SGCD: variants seen among roughly 807,000 people sequenced by gnomAD.
The protein encoded by SGCD is delta-sarcoglycan.
Under a neutral mutation model 36.6 loss-of-function variants are expected in SGCD, and 18 were observed. That is an observed-to-expected ratio of 0.49 (90% CI 0.34 to 0.73). The LOEUF (loss-of-function observed/expected upper bound fraction) is 0.73. SGCD is among the 30% of genes least tolerant of loss of function. SGCD has a pLI of 0.01. For synonymous variants in SGCD, 133 were observed against 130.6 expected (o/e 1.02, Z -0.12); for missense variants, 387 against 346.7 (o/e 1.12, Z -0.92).
chr5:156,608,364 T>G (rs1206616115), intron 6 of SGCD, among the ~76,000 whole-genome samples: 1 of 152,208 alleles, frequency 6.6e-6, no homozygotes, highest in East Asian at 1.9e-4. Flanking sequence ...TTGAGTGCGT[T>G]TCTTAATCCT....
intron 8 of SGCD, 107 bp from the exon 9 acceptor site, chr5:156,759,110 G>A: frequency 6.1e-6 from 5 of 826,102 alleles, no homozygotes; most frequent in South Asian, 1.5e-5. Context: ...CATAGTAGGT[G>A]CTCATTAGAT....
intron 3 of SGCD, among the ~76,000 whole-genome samples, chr5:156,386,037 T>C (rs11960521): frequency 0.035 from 5,258 of 152,320 alleles, 303 homozygotes; most frequent in African/African-American, 0.12. Flanking sequence ...CAGGTAATGA[T>C]GACTACAGTG....
At chr5:155,734,546 A>C in the SGCD span, among the ~76,000 whole-genome samples, 1 of 152,142 alleles carries the variant, frequency 6.6e-6, no homozygotes, top group African/African-American at 2.4e-5. Flanking sequence ...CAGAATCCAG[A>C]TCTCTCCTTT....
At chr5:155,788,460 A>G in the SGCD span, among the ~76,000 whole-genome samples, 1 of 152,156 alleles carries the variant, frequency 6.6e-6, no homozygotes, top group South Asian at 2.1e-4. Context: ...TTTGCACCAG[A>G]TTAAGATTGT....
chr5:156,757,145 A>AT (rs1334064231), intron 7 of SGCD, among the ~76,000 whole-genome samples: 4 of 150,288 alleles, frequency 2.7e-5, no homozygotes, highest in African/African-American at 4.9e-5. Context: ...TCCTAGACCC[A>AT]TTTTTTTAAC....
chr5:155,876,998 C>G (rs1348317821), intron 1 of SGCD, among the ~76,000 whole-genome samples: 1 of 152,080 alleles, frequency 6.6e-6, no homozygotes, highest in Non-Finnish European at 1.5e-5. Flanking sequence ...GGAATACATT[C>G]CCTATCTTCA....
intron 7 of SGCD, among the ~76,000 whole-genome samples, chr5:156,677,987 T>A (rs1753581336): frequency 6.6e-6 from 1 of 152,220 alleles, no homozygotes; most frequent in South Asian, 2.1e-4. Flanking sequence ...TATTGGGTTG[T>A]AAATGCTAAG....
intron 7 of SGCD, among the ~76,000 whole-genome samples, chr5:156,649,292 AG>A (rs1318563071): frequency 6.6e-6 from 1 of 152,128 alleles, no homozygotes. Context: ...CCATTGTGGA[AG>A]TCAGTGTGGC....
intron 7 of SGCD, among the ~76,000 whole-genome samples, chr5:156,703,844 A>C (rs1016484412): frequency 2.0e-5 from 3 of 152,158 alleles, no homozygotes; most frequent in Non-Finnish European, 4.4e-5. Context: ...GGAGCCCCAC[A>C]AACCATGGCT....
intron 3 of SGCD, among the ~76,000 whole-genome samples, chr5:156,435,010 T>C (rs951928355): frequency 1.3e-5 from 2 of 152,212 alleles, no homozygotes; most frequent in Non-Finnish European, 2.9e-5. Flanking sequence ...ATGTGGACTT[T>C]TTTCTTAAGA....
intron 3 of SGCD, among the ~76,000 whole-genome samples, chr5:156,460,373 A>G (rs1350907767): frequency 4.6e-5 from 7 of 152,228 alleles, no homozygotes; most frequent in African/African-American, 1.4e-4. Context: ...GGAAATCATT[A>G]TCATAATTGT....
chr5:155,744,931 T>C, the SGCD span, among the ~76,000 whole-genome samples: 2 of 152,182 alleles, frequency 1.3e-5, no homozygotes, highest in Non-Finnish European at 2.9e-5. Flanking sequence ...ATAGACAAAT[T>C]GTAGTGAAAT....
At chr5:156,069,716 G>C (rs1286058751) in intron 1 of SGCD, among the ~76,000 whole-genome samples, 2 of 149,890 alleles carry the variant, frequency 1.3e-5, no homozygotes, top group Non-Finnish European at 2.9e-5. Flanking sequence ...CCCTTGGGCA[G>C]TATGGCCATT....
At chr5:155,943,550 TTAAA>T (rs1289508014) in intron 1 of SGCD, among the ~76,000 whole-genome samples, 1 of 152,166 alleles carries the variant, frequency 6.6e-6, no homozygotes, top group Non-Finnish European at 1.5e-5. Flanking sequence ...ATTTTAAAAA[TTAAA>T]TAATTTGCAT....
intron 4 of SGCD, among the ~76,000 whole-genome samples, chr5:156,583,726 A>G (rs577942371): frequency 6.6e-6 from 1 of 152,356 alleles, no homozygotes; most frequent in South Asian, 2.1e-4. Flanking sequence ...ACAGAAACAA[A>G]GATAATATGA....
the SGCD span, among the ~76,000 whole-genome samples, chr5:155,805,098 G>A: frequency 3.3e-5 from 5 of 152,140 alleles, no homozygotes; most frequent in African/African-American, 1.2e-4. Flanking sequence ...AGTAGCTACT[G>A]TATTAGAAAA....
chr5:155,940,744 C>G (rs1757304080), intron 1 of SGCD, among the ~76,000 whole-genome samples: 1 of 152,056 alleles, frequency 6.6e-6, no homozygotes, highest in Non-Finnish European at 1.5e-5. Context: ...ATTCGGGAGG[C>G]TGAGGCAGGA....
At chr5:156,434,099 AC>A (rs1425327262) in intron 3 of SGCD, among the ~76,000 whole-genome samples, 1 of 152,238 alleles carries the variant, frequency 6.6e-6, no homozygotes, top group African/African-American at 2.4e-5. Flanking sequence ...AGCTGAGGAT[AC>A]CATCAGAGCC....
intron 3 of SGCD, among the ~76,000 whole-genome samples, chr5:156,229,028 G>C (rs1764927861): frequency 6.6e-6 from 1 of 151,642 alleles, no homozygotes; most frequent in Admixed American, 6.6e-5. Flanking sequence ...TAAGCAGGCA[G>C]AATAAAATGT....
Sources: gnomAD v4.1 joint callset for allele counts (sites outside exome capture counted in the v4.1 genomes callset) on GRCh38, gnomAD v4.1.1 for gene constraint, MANE v1.5 for transcripts, NCBI Gene and HGNC (gene_info 2026-07-23, HGNC 2026-07-21) for gene names.